GSE1: variants seen among roughly 807,000 people sequenced by gnomAD.
GSE1 encodes the protein genetic suppressor element 1.
A neutral mutation model predicts 112.6 loss-of-function variants in GSE1; 32 were observed. The ratio of observed to expected loss-of-function variants is 0.28; its 90% CI spans 0.21 to 0.38. The LOEUF (loss-of-function observed/expected upper bound fraction) is 0.38. Ranked by LOEUF, GSE1 falls within the 10% of genes least tolerant of loss-of-function variation. GSE1 has a pLI of 1.00. For missense variants in GSE1, 2,348 were observed against 1,699.2 expected, an observed-to-expected ratio of 1.38 and a Z score of -6.71; for synonymous variants, 1,115 against 735.6, an observed-to-expected ratio of 1.52 and a Z score of -8.35.
intron 1 of GSE1, among the ~76,000 whole-genome samples, chr16:85,563,459 C>G (rs1014590720): frequency 1.3e-5 from 2 of 152,202 alleles, no homozygotes; most frequent in Non-Finnish European, 2.9e-5. Flanking sequence ...ACCCTCAGCC[C>G]CAATTACAGC....
At chr16:85,375,891 A>C (rs917028151) in intron 2 of GSE1, among the ~76,000 whole-genome samples, 5 of 152,080 alleles carry the variant, frequency 3.3e-5, no homozygotes, top group Non-Finnish European at 7.4e-5. Context: ...GCGCATGTCA[A>C]CTCCACCATC....
At chr16:85,665,763 G>A (rs947345712) in intron 12 of GSE1, among the ~76,000 whole-genome samples, 1 of 152,132 alleles carries the variant, frequency 6.6e-6, no homozygotes, top group Non-Finnish European at 1.5e-5. Context: ...CTTCCTTCTT[G>A]GGACATCTTT....
chr16:85,463,671 C>G (rs2050042500), intron 2 of GSE1, among the ~76,000 whole-genome samples: 1 of 152,200 alleles, frequency 6.6e-6, no homozygotes, highest in East Asian at 1.9e-4. Context: ...ACCTCCCTGG[C>G]CCCATCAGCT....
chr16:85,336,427 C>T (rs572413777), intron 1 of GSE1, among the ~76,000 whole-genome samples: 7 of 152,178 alleles, frequency 4.6e-5, no homozygotes, highest in Non-Finnish European at 1.0e-4. Context: ...CAGTCGGTGG[C>T]GTTCAGCACA....
chr16:85,373,442 C>T lies in GSE1; in HGVS notation c.2464+15799C>T, dbSNP rs141840774. Among the ~76,000 whole-genome samples the T allele has an allele frequency of 1.7e-4, 26 of 152,050 alleles. No individual in the cohort carries two copies. In the East Asian group the frequency reaches 4.8e-3, roughly 28 times the overall value. ...GGGAAGAGCAGAGGAGGGGAGGGGA[C>T]GAGAACCTCTCCCCCTCCGCTGCTT... is the stretch of plus-strand genomic sequence containing the variant. On this transcript the variant is annotated intron_variant, in intron 2 of 2. Transcript: ENST00000637419. The surrounding 1 kb of genome is among the most constrained non-coding windows in gnomAD (Gnocchi z 5.1).
At chr16:85,396,158 G>C (rs1280264315) in intron 2 of GSE1, among the ~76,000 whole-genome samples, 1 of 152,194 alleles carries the variant, frequency 6.6e-6, no homozygotes, top group Non-Finnish European at 1.5e-5. Context: ...CAGGAGGCAG[G>C]ACATCAGCAG....
Position 85,339,190 on chromosome 16 carries a change from C to T in GSE1, c.2284-18273C>T, listed in dbSNP as rs145616455. ...CAGTAGCCAGGCCCGTAGTAGTTCT[C>T]ATGGCTATTTTACGTGATTGCAAAT... On this transcript the variant is annotated intron_variant, in intron 1 of 2. Transcript: ENST00000637419. 5.5e-3 allele frequency among the ~76,000 whole-genome samples: 833 copies of T among 152,302 alleles called. 5 individuals carry two copies. Among genetic ancestry groups the T allele is most frequent in the Non-Finnish European group, 9.3e-3 (632 of 68,028 alleles).
upstream of GSE1, among the ~76,000 whole-genome samples, chr16:85,552,180 C>T (rs892912521): frequency 6.6e-6 from 1 of 152,126 alleles, no homozygotes; most frequent in African/African-American, 2.4e-5. Flanking sequence ...TGCCCACCAC[C>T]ACACCCAGCT....
chr16:85,646,852 C>G (rs943494143), intron 2 of GSE1, among the ~76,000 whole-genome samples: 1 of 146,510 alleles, frequency 6.8e-6, no homozygotes, highest in Non-Finnish European at 1.5e-5. Flanking sequence ...CTCTGGGGAG[C>G]TGCTCTGGTC....
chr16:85,517,128 G>C (rs1226499841), intron 2 of GSE1, among the ~76,000 whole-genome samples: 1 of 152,140 alleles, frequency 6.6e-6, no homozygotes, highest in Non-Finnish European at 1.5e-5. Flanking sequence ...CTGGTGGGTG[G>C]GGGCTTCTGC....
In GSE1 at chr16:85,287,818, A is replaced by G. The variant is rs147694883; in HGVS notation, c.2284-69645A>G. On this transcript the variant is annotated intron_variant, in intron 1 of 2. Coordinates refer to the GSE1 transcript ENST00000637419. ...CCTGCCCTCACCCCTGCTGAAGCCT[A>G]AAGGAGCCGCAGGAGCTCCATGGCT... Among the ~76,000 whole-genome samples, 1,124 of 152,264 alleles carry G rather than the reference A, an allele frequency of 7.4e-3. 9 individuals are homozygous for G. Among genetic ancestry groups the G allele is most frequent in the Middle Eastern group, 0.014 (4 of 292 alleles).
intron 1 of GSE1, among the ~76,000 whole-genome samples, chr16:85,292,865 A>T (rs1034926576): frequency 6.6e-6 from 1 of 152,242 alleles, no homozygotes; most frequent in African/African-American, 2.4e-5. Context: ...TGTCTGTGAA[A>T]CAGGGACAAT....
intron 1 of GSE1, among the ~76,000 whole-genome samples, chr16:85,296,196 G>A (rs1457802411): frequency 2.0e-5 from 3 of 152,210 alleles, no homozygotes; most frequent in Admixed American, 2.0e-4. Context: ...GGGACAGCCT[G>A]TGCGAACACT....
intron 1 of GSE1, among the ~76,000 whole-genome samples, chr16:85,173,001 T>G (rs1316232321): frequency 6.6e-6 from 1 of 152,236 alleles, no homozygotes; most frequent in Non-Finnish European, 1.5e-5. Flanking sequence ...AAGCTGTCTT[T>G]GTGGCTTTGG....
intron 1 of GSE1, among the ~76,000 whole-genome samples, chr16:85,288,961 G>A (rs1415035314): frequency 6.6e-6 from 1 of 152,192 alleles, no homozygotes; most frequent in East Asian, 1.9e-4. Context: ...GCAGGGAGGG[G>A]AGGTCAGCGA....
chr16:85,527,863 C>T (rs1413906246), intron 2 of GSE1, among the ~76,000 whole-genome samples: 2 of 152,222 alleles, frequency 1.3e-5, no homozygotes, highest in East Asian at 1.9e-4. Context: ...GGAATATTTC[C>T]TGAAGTAAGA....
intron 2 of GSE1, among the ~76,000 whole-genome samples, chr16:85,641,049 C>T (rs2050403079): frequency 6.6e-6 from 1 of 152,262 alleles, no homozygotes; most frequent in African/African-American, 2.4e-5. Context: ...CTTGGCGTGT[C>T]AGCCTTTGGG....
At chr16:85,523,048 T>C (rs374231154) in intron 2 of GSE1, among the ~76,000 whole-genome samples, 1 of 151,982 alleles carries the variant, frequency 6.6e-6, no homozygotes, top group African/African-American at 2.4e-5. Flanking sequence ...TTTTGTGTGC[T>C]GTGTGGCTAT....
intron 10 of GSE1, 70 bp downstream of exon 10, chr16:85,663,163 T>TC (rs1456249616): frequency 1.5e-5 from 19 of 1,247,394 alleles, no homozygotes; most frequent in Non-Finnish European, 2.2e-5. Flanking sequence ...CACCCTGCAG[T>TC]CCACCCCACT....
Sources: gnomAD v4.1 joint callset for allele counts (sites outside exome capture counted in the v4.1 genomes callset) on GRCh38, gnomAD v4.1.1 for gene constraint, Gnocchi (gnomAD v3.1) non-coding constraint, MANE v1.5 for transcripts, NCBI Gene and HGNC (gene_info 2026-07-23, HGNC 2026-07-21) for gene names.